Variants in UAP1 observed in about 807,000 individuals in gnomAD.
UAP1 encodes UDP-N-acetylhexosamine pyrophosphorylase.
Under a neutral mutation model 58.5 loss-of-function variants are expected in UAP1, and 25 were observed. The ratio of observed to expected loss-of-function variants is 0.43; its 90% CI spans 0.31 to 0.60. The LOEUF (loss-of-function observed/expected upper bound fraction) is 0.60, where lower values mean the gene tolerates loss of function less well. Ranked by LOEUF, UAP1 falls within the 20% of genes least tolerant of loss-of-function variation. The pLI is 0.11. For missense variants in UAP1, 575 were observed against 630.0 expected (o/e 0.91, Z 0.93); for synonymous variants, 208 against 213.0 (o/e 0.98, Z 0.21).
intron 5 of UAP1, among the ~76,000 whole-genome samples, chr1:162,581,790 C>CA (rs1244567874): frequency 6.6e-6 from 1 of 152,104 alleles, no homozygotes; most frequent in Non-Finnish European, 1.5e-5. Context: ...TTTCCTGTGA[C>CA]AAAGTTATTG....
chr1:162,580,952 G>A (rs1330253763), intron 4 of UAP1, among the ~76,000 whole-genome samples: 1 of 152,128 alleles, frequency 6.6e-6, no homozygotes, highest in East Asian at 1.9e-4. Flanking sequence ...AATGAAACTT[G>A]AAATGTTATG....
exon 2 of UAP1, chr1:162,566,296 A>G (rs1301058590): frequency 1.2e-6 from 2 of 1,614,196 alleles, no homozygotes; most frequent in Non-Finnish European, 1.7e-6. Flanking sequence ...CTCGAGAGGT[A>G]TTAGGCAGTG....
At chr1:162,582,912 A>T (rs1193474455) in intron 5 of UAP1, among the ~76,000 whole-genome samples, 4 of 152,154 alleles carry the variant, frequency 2.6e-5, no homozygotes, top group African/African-American at 9.7e-5. Context: ...GACTCTGAAA[A>T]TAAGTGTTGG....
At chr1:162,589,098 A>AAT (rs996663446) in intron 7 of UAP1, among the ~76,000 whole-genome samples, 2 of 121,960 alleles carry the variant, frequency 1.6e-5, no homozygotes, top group Admixed American at 1.1e-4. Context: ...ATGTATATTA[A>AAT]ATATATATAT....
At chr1:162,581,653 T>G (rs1654593057) in intron 5 of UAP1, among the ~76,000 whole-genome samples, 194 bp downstream of exon 5, 1 of 152,226 alleles carries the variant, frequency 6.6e-6, no homozygotes, top group African/African-American at 2.4e-5. Flanking sequence ...TAATGTTGTA[T>G]ACTTATCACA....
At chr1:162,594,383 T>A (rs1655502469) in intron 9 of UAP1, among the ~76,000 whole-genome samples, 1 of 152,176 alleles carries the variant, frequency 6.6e-6, no homozygotes, top group Non-Finnish European at 1.5e-5. Context: ...CAGGCAGTAA[T>A]GTGAGTGGTG....
At chr1:162,566,419 C>G (rs1653511050) in intron 2 of UAP1, 71 bp downstream of exon 2, 2 of 1,456,446 alleles carry the variant, frequency 1.4e-6, no homozygotes, top group Non-Finnish European at 1.9e-6. Flanking sequence ...GTAGCTGGAT[C>G]ATGTCACTAA....
intron 9 of UAP1, chr1:162,593,119 G>A (rs142703209): frequency 2.2e-4 from 69 of 306,968 alleles, no homozygotes; most frequent in African/African-American, 1.3e-3. Context: ...AAGCTTATAC[G>A]GGGTTAAAAA....
intron 2 of UAP1, among the ~76,000 whole-genome samples, chr1:162,570,397 T>C (rs1000476891): frequency 6.6e-6 from 1 of 152,170 alleles, no homozygotes; most frequent in Non-Finnish European, 1.5e-5. Context: ...TTTAGTATAG[T>C]GAACCCCCAC....
intron 8 of UAP1, among the ~76,000 whole-genome samples, chr1:162,591,382 A>T (rs960617355): frequency 3.1e-4 from 47 of 152,230 alleles, no homozygotes; most frequent in African/African-American, 1.0e-3. Flanking sequence ...AGTTACATTC[A>T]CTGATACTTA....
intron 3 of UAP1, 40 bp downstream of exon 3, chr1:162,577,021 A>G (rs1654230693): frequency 3.2e-6 from 5 of 1,579,952 alleles, no homozygotes; most frequent in Non-Finnish European, 3.5e-6. Flanking sequence ...CTGAACATAT[A>G]TTGTTTTATA....
At chr1:162,599,223 G>T in intron 10 of UAP1, 48 bp from the exon 11 acceptor site, 1 of 1,356,078 alleles carries the variant, frequency 7.4e-7, no homozygotes, top group South Asian at 1.2e-5. Flanking sequence ...AGCACTGCAT[G>T]ACAAGTGCAA....
At chr1:162,592,509 G>C (rs1655375358) in intron 8 of UAP1, among the ~76,000 whole-genome samples, 1 of 152,166 alleles carries the variant, frequency 6.6e-6, no homozygotes, top group African/African-American at 2.4e-5. Flanking sequence ...TTTGGGCTCT[G>C]TATTGTCAAC....
At chr1:162,580,013 C>T (rs376485553) in intron 4 of UAP1, among the ~76,000 whole-genome samples, 164 of 152,148 alleles carry the variant, frequency 1.1e-3, no homozygotes, top group African/African-American at 3.1e-3. Flanking sequence ...TACAGGCACG[C>T]GCCACCATGC....
chr1:162,578,132 A>T (rs1239575890), intron 3 of UAP1, among the ~76,000 whole-genome samples: 1 of 152,018 alleles, frequency 6.6e-6, no homozygotes, highest in African/African-American at 2.4e-5. Flanking sequence ...GCAGTTTTGG[A>T]AGTTAGCATG....
chr1:162,592,625 T>C, intron 8 of UAP1, 107 bp from the exon 9 acceptor site: 3 of 849,504 alleles, frequency 3.5e-6, no homozygotes, highest in South Asian at 3.1e-5. Flanking sequence ...GAATTTATGA[T>C]TTACCATAAA....
intron 10 of UAP1, 56 bp downstream of exon 10, chr1:162,597,914 A>G: frequency 6.8e-7 from 1 of 1,469,942 alleles, no homozygotes; most frequent in Non-Finnish European, 9.3e-7. Context: ...ATATTTCAAA[A>G]TAATGAAAAA....
chr1:162,594,489 C>T (rs554340979), intron 9 of UAP1, among the ~76,000 whole-genome samples: 102 of 152,298 alleles, frequency 6.7e-4, no homozygotes, highest in African/African-American at 2.1e-3. Context: ...AGAGTAGTAC[C>T]GGTCCATGGC....
At chr1:162,565,921 G>A (rs1372538676) in intron 1 of UAP1, 91 bp from the exon 2 acceptor site, 12 of 794,924 alleles carry the variant, frequency 1.5e-5, no homozygotes, top group Admixed American at 5.9e-5. Flanking sequence ...TTTTAACATC[G>A]TTTTGAAATA....
Sources: allele counts gnomAD v4.1 joint callset (sites outside exome capture counted in the v4.1 genomes callset), GRCh38; gene constraint gnomAD v4.1.1; transcripts MANE v1.5; gene names NCBI Gene and HGNC (gene_info 2026-07-23, HGNC 2026-07-21).